Variants in PARPBP observed in about 807,000 individuals in gnomAD.
The protein encoded by PARPBP is PCNA-interacting partner.
A neutral mutation model predicts 50.0 loss-of-function variants in PARPBP; 52 were observed. The observed-to-expected ratio is 1.04, with a 90% CI of 0.83 to 1.31. PARPBP has a LOEUF of 1.31. PARPBP is among the 50% of genes most tolerant of loss of function. The pLI, the probability that PARPBP is intolerant of heterozygous loss-of-function variation, is 0.00. For synonymous variants in PARPBP, 244 were observed against 232.1 expected (o/e 1.05, Z -0.47); for missense variants, 697 against 672.0 (o/e 1.04, Z -0.41).
intron 2 of PARPBP, among the ~76,000 whole-genome samples, chr12:102,144,321 A>G (rs1885067241): frequency 6.6e-6 from 1 of 152,232 alleles, no homozygotes; most frequent in Non-Finnish European, 1.5e-5. Context: ...TGTGCAATAC[A>G]ATCCTTCTTA....
Position 102,160,374 on chromosome 12 carries a change from A to G in PARPBP, c.496-4064A>G, listed in dbSNP as rs908330120. ...TACCCAATTAGGATCAGGTATATAC[A>G]TATTTGTTAAGTTCTTGTTATTTTT... On this transcript the variant is annotated intron_variant, in intron 4 of 10. Coordinates refer to ENST00000327680, the MANE Select transcript of PARPBP (RefSeq NM_017915.5). Among the ~76,000 whole-genome samples, 4 of 152,324 alleles carry G rather than the reference A, an allele frequency of 2.6e-5. No homozygotes were observed. In the East Asian group the frequency reaches 7.7e-4, roughly 29 times the overall value.
At chr12:102,155,024 A>G (rs1235437840) in intron 4 of PARPBP, 3 of 313,290 alleles carry the variant, frequency 9.6e-6, no homozygotes, top group East Asian at 8.3e-5. Flanking sequence ...CTTTCAACCA[A>G]TTGCTTGCCA....
intron 6 of PARPBP, among the ~76,000 whole-genome samples, chr12:102,171,493 C>A (rs12426385): frequency 7.2e-5 from 11 of 152,130 alleles, no homozygotes; most frequent in Non-Finnish European, 1.5e-5. Context: ...TTATGTTGGG[C>A]TAAATATACA....
chr12:102,178,814 G>A, intron 8 of PARPBP, 44 bp downstream of exon 8: 1 of 1,256,730 alleles, frequency 8.0e-7, no homozygotes, highest in East Asian at 2.5e-5. Flanking sequence ...GTTAACTCTA[G>A]AGAATTATAA....
At chr12:102,184,574 T>C (rs574301504) in intron 9 of PARPBP, among the ~76,000 whole-genome samples, 1 of 152,300 alleles carries the variant, frequency 6.6e-6, no homozygotes, top group African/African-American at 2.4e-5. Flanking sequence ...AAATATTTTA[T>C]AACAGTTTGC....
chr12:102,177,581 ACTAT>A (rs1320947015), intron 7 of PARPBP, among the ~76,000 whole-genome samples: 1 of 151,962 alleles, frequency 6.6e-6, no homozygotes, highest in South Asian at 2.1e-4. Context: ...CTCTATTACT[ACTAT>A]CTTAGTTCAG....
intron 2 of PARPBP, among the ~76,000 whole-genome samples, chr12:102,137,722 T>TCAAA (rs1213796476): frequency 6.6e-6 from 1 of 152,064 alleles, no homozygotes; most frequent in Non-Finnish European, 1.5e-5. Context: ...TTCTCATTGT[T>TCAAA]CAGTTCCCAC....
intron 4 of PARPBP, chr12:102,155,403 G>C (rs922775268): frequency 2.0e-5 from 3 of 152,220 alleles, no homozygotes; most frequent in African/African-American, 7.2e-5. Context: ...GACAGGACTA[G>C]CTGGATTTCC....
chr12:102,180,731 C>T (rs191842064), intron 8 of PARPBP, among the ~76,000 whole-genome samples: 52 of 152,274 alleles, frequency 3.4e-4, no homozygotes, highest in African/African-American at 1.0e-3. Flanking sequence ...TTTTTCTATA[C>T]TTAATCATGT....
At chr12:102,155,288 AAAAC>A (rs1318170864) in intron 4 of PARPBP, 1 of 153,430 alleles carries the variant, frequency 6.5e-6, no homozygotes, top group Non-Finnish European at 1.4e-5. Context: ...ATCTCAAAAA[AAAAC>A]AAAAACAAAA....
chr12:102,185,310 C>G (rs1470732135), intron 9 of PARPBP, among the ~76,000 whole-genome samples: 1 of 152,112 alleles, frequency 6.6e-6, no homozygotes, highest in East Asian at 1.9e-4. Flanking sequence ...GTCCGTTATT[C>G]TGTTGATATA....
At chr12:102,122,580 G>T (rs540776888) in intron 1 of PARPBP, among the ~76,000 whole-genome samples, 2 of 152,264 alleles carry the variant, frequency 1.3e-5, no homozygotes, top group African/African-American at 4.8e-5. Flanking sequence ...CTTTTAGCAG[G>T]CATGTCTGTA....
intron 9 of PARPBP, among the ~76,000 whole-genome samples, chr12:102,187,149 A>G (rs746849535): frequency 6.6e-6 from 1 of 152,196 alleles, no homozygotes; most frequent in African/African-American, 2.4e-5. Flanking sequence ...GCATCAACTA[A>G]GAAAGAATAA....
At chr12:102,134,426 G>T (rs1052624757) in intron 2 of PARPBP, among the ~76,000 whole-genome samples, 1 of 152,098 alleles carries the variant, frequency 6.6e-6, no homozygotes, top group Non-Finnish European at 1.5e-5. Flanking sequence ...ACTCTGAATA[G>T]ACCAATAAGA....
intron 9 of PARPBP, among the ~76,000 whole-genome samples, chr12:102,185,449 T>A (rs950186797): frequency 3.9e-5 from 6 of 152,196 alleles, no homozygotes; most frequent in African/African-American, 1.4e-4. Context: ...TTGTAGAGGA[T>A]GTGTGCATCA....
intron 9 of PARPBP, among the ~76,000 whole-genome samples, chr12:102,184,337 CA>C (rs1890122959): frequency 6.6e-6 from 1 of 151,848 alleles, no homozygotes; most frequent in Non-Finnish European, 1.5e-5. Flanking sequence ...ATAAACAATC[CA>C]ATTGGATTTT....
chr12:102,144,226 T>C (rs993288271), intron 2 of PARPBP, among the ~76,000 whole-genome samples: 9 of 152,198 alleles, frequency 5.9e-5, no homozygotes. Context: ...ATTTAAAATT[T>C]TGAGTTATTA....
chr12:102,135,590 A>C (rs1883516275), intron 2 of PARPBP, among the ~76,000 whole-genome samples: 1 of 151,830 alleles, frequency 6.6e-6, no homozygotes, highest in South Asian at 2.1e-4. Flanking sequence ...TGGGTGTTTA[A>C]TTGGATGGAG....
At chr12:102,142,655 G>A (rs1884791663) in intron 2 of PARPBP, among the ~76,000 whole-genome samples, 1 of 152,130 alleles carries the variant, frequency 6.6e-6, no homozygotes, top group Non-Finnish European at 1.5e-5. Context: ...TGAAGGTGAC[G>A]TACAGATGAG....
Sources: allele counts gnomAD v4.1 joint callset (sites outside exome capture counted in the v4.1 genomes callset), GRCh38; gene constraint gnomAD v4.1.1; transcripts MANE v1.5; gene names NCBI Gene and HGNC (gene_info 2026-07-23, HGNC 2026-07-21).